MCC: variants seen among roughly 807,000 people sequenced by gnomAD.
The protein encoded by MCC is MCC regulator of Wnt signaling pathway.
MCC carries 90 observed loss-of-function variants against 116.2 expected under a neutral mutation model. The ratio of observed to expected loss-of-function variants is 0.77; its 90% CI spans 0.65 to 0.92. The LOEUF (loss-of-function observed/expected upper bound fraction) is 0.92, where lower values mean the gene tolerates loss of function less well. Among genes scored for constraint, MCC ranks in the 40% least tolerant of loss-of-function variants. MCC has a pLI of 0.00. For synonymous variants in MCC, 578 were observed against 510.5 expected, an observed-to-expected ratio of 1.13 and a Z score of -1.78; for missense variants, 1,516 against 1,312.2, an observed-to-expected ratio of 1.16 and a Z score of -2.40.
chr5:113,150,738 C>G (rs1759807401), intron 4 of MCC, among the ~76,000 whole-genome samples: 1 of 151,988 alleles, frequency 6.6e-6, no homozygotes, highest in African/African-American at 2.4e-5. Flanking sequence ...CTTGAAAAAT[C>G]AAAGCAAAGG....
chr5:113,053,863 C>T lies in MCC; in HGVS notation c.2310G>A (p.Arg770=), dbSNP rs1313857829. 1 of 1,613,958 alleles carries T rather than the reference C, an allele frequency of 6.2e-7. No individual in the cohort carries two copies. The highest frequency in any genetic ancestry group is 8.5e-7 in the Non-Finnish European group (1 of 1,180,020). ...KDYIQQLKND[R]AAVKLTMLEL... ...CCAGCATGGTCAGCTTGACCGCAGCCCTGTCATTCTTGAGCTGCTGGATAT... is the reference window on the plus strand; with the variant it reads ...CCAGCATGGTCAGCTTGACCGCAGCTCTGTCATTCTTGAGCTGCTGGATAT... The change falls in exon 15 of 19, where the codon AGG becomes AGA. Residue 770 remains arginine, a synonymous_variant. Coordinates refer to ENST00000408903, the MANE Select transcript of MCC (RefSeq NM_001085377.2).
intron 15 of MCC, among the ~76,000 whole-genome samples, 186 bp downstream of exon 15, chr5:113,053,539 T>C (rs1057079204): frequency 6.6e-6 from 1 of 152,120 alleles, no homozygotes; most frequent in Non-Finnish European, 1.5e-5. Flanking sequence ...TCAACTCCCC[T>C]GTCCAGAAAC....
chr5:113,131,268 C>T (rs188960573), intron 5 of MCC, among the ~76,000 whole-genome samples: 6 of 152,276 alleles, frequency 3.9e-5, no homozygotes, highest in African/African-American at 1.4e-4. Context: ...TTTCTTTTCA[C>T]ATCCAGTGAG....
chr5:113,449,430 C>T (rs1012686216), intron 1 of MCC, among the ~76,000 whole-genome samples: 1 of 152,122 alleles, frequency 6.6e-6, no homozygotes, highest in Non-Finnish European at 1.5e-5. Context: ...AACACTATAA[C>T]TGGGAGCTGA....
intron 1 of MCC, among the ~76,000 whole-genome samples, chr5:113,426,084 G>A (rs1465777098): frequency 1.3e-5 from 2 of 152,132 alleles, no homozygotes; most frequent in Non-Finnish European, 2.9e-5. Context: ...TTCCAAGGCA[G>A]GCAGCCAGGC....
intron 1 of MCC, among the ~76,000 whole-genome samples, chr5:113,464,993 A>G (rs962258488): frequency 5.9e-5 from 9 of 152,296 alleles, no homozygotes; most frequent in African/African-American, 1.9e-4. Context: ...AGAGATATCA[A>G]TTCTCTTTAC....
intron 2 of MCC, among the ~76,000 whole-genome samples, chr5:113,363,109 C>G (rs1768588237): frequency 6.6e-6 from 1 of 152,078 alleles, no homozygotes; most frequent in Non-Finnish European, 1.5e-5. Context: ...AAAACCCTAT[C>G]TCTACTAAAA....
In MCC at chr5:113,263,341, G is replaced by C. The variant is rs536680877; in HGVS notation, c.627+77178C>G. Among the ~76,000 whole-genome samples, 202 of 152,304 alleles carry C rather than the reference G, an allele frequency of 1.3e-3. 4 individuals carry two copies. The Middle Eastern group carries it at 0.017, about 13-fold the overall frequency. On this transcript the variant is annotated intron_variant, in intron 3 of 18. Coordinates refer to ENST00000408903, the MANE Select transcript of MCC (RefSeq NM_001085377.2). The stretch of plus-strand genomic sequence containing the variant: ...GGAGGAAATGGAATCTACAAGAGGA[G>C]ACATCTACTCAGAACATTAATTCTG...
Position 113,170,438 on chromosome 5 carries a change from G to A in MCC, c.628-19016C>T, listed in dbSNP as rs1037594195. ...ACCACAACTGCATGAATGGTGAGAA[G>A]CTTGGATGCTTTTTATTTCTGTGGC... On this transcript the variant is annotated intron_variant, in intron 3 of 18. Coordinates refer to ENST00000408903, the MANE Select transcript of MCC (RefSeq NM_001085377.2). Among the ~76,000 whole-genome samples, 14 of 152,260 alleles carry A rather than the reference G, an allele frequency of 9.2e-5. No homozygotes were observed. In the East Asian group the frequency reaches 9.7e-4, roughly 11 times the overall value.
intron 3 of MCC, among the ~76,000 whole-genome samples, chr5:113,170,306 T>C (rs1348539655): frequency 6.6e-6 from 1 of 152,226 alleles, no homozygotes; most frequent in East Asian, 1.9e-4. Flanking sequence ...TTCAATGGAC[T>C]TTACTTCTAA....
At chr5:113,451,742 G>A (rs1288023777) in intron 1 of MCC, among the ~76,000 whole-genome samples, 1 of 151,888 alleles carries the variant, frequency 6.6e-6, no homozygotes, top group Non-Finnish European at 1.5e-5. Flanking sequence ...AGGAAGGAGG[G>A]AAGGAAGGAA....
At chr5:113,103,969 C>T (rs545892587) in intron 7 of MCC, among the ~76,000 whole-genome samples, 2 of 152,164 alleles carry the variant, frequency 1.3e-5, no homozygotes, top group South Asian at 4.1e-4. Flanking sequence ...TACCGCAAAG[C>T]CAGTGAACCT....
intron 3 of MCC, among the ~76,000 whole-genome samples, chr5:113,290,037 A>G (rs1334919109): frequency 6.6e-6 from 1 of 152,238 alleles, no homozygotes; most frequent in Non-Finnish European, 1.5e-5. Context: ...AATTAATTTG[A>G]TGATGAACAG....
intron 3 of MCC, among the ~76,000 whole-genome samples, chr5:113,162,312 C>T (rs548003629): frequency 1.3e-5 from 2 of 152,184 alleles, no homozygotes. Context: ...ACAAAATACC[C>T]TGGACTTGAG....
intron 11 of MCC, among the ~76,000 whole-genome samples, chr5:113,079,663 T>C (rs1159359975): frequency 6.6e-6 from 1 of 152,196 alleles, no homozygotes; most frequent in Non-Finnish European, 1.5e-5. Flanking sequence ...TAATTCAAGA[T>C]GGATTAAAGA....
At position 113,476,215 on chromosome 5, in the gene MCC, C is replaced by T. The variant is rs187600053; in HGVS notation, c.170+12030G>A. Reference sequence around the variant, plus strand: ...ACTAATCCTAAAATTCACATGAATACTCAAGGGACCAACCACAGACTAAAA... The same window carrying T: ...ACTAATCCTAAAATTCACATGAATATTCAAGGGACCAACCACAGACTAAAA... On this transcript the variant is annotated intron_variant, in intron 1 of 18. Transcript: ENST00000408903. 1.6e-4 allele frequency among the ~76,000 whole-genome samples: 25 copies of T among 152,274 alleles called. No homozygotes were observed. In the East Asian group the frequency reaches 3.9e-3, roughly 24 times the overall value.
At chr5:113,300,030 T>C (rs1244933426) in intron 3 of MCC, among the ~76,000 whole-genome samples, 2 of 152,176 alleles carry the variant, frequency 1.3e-5, no homozygotes, top group Non-Finnish European at 2.9e-5. Flanking sequence ...ACCAACACCA[T>C]GCTGTGGGCA....
chr5:113,085,113 C>A, intron 9 of MCC, 51 bp downstream of exon 9: 1 of 1,612,376 alleles, frequency 6.2e-7, no homozygotes, highest in Middle Eastern at 1.9e-4. Context: ...CCTGGTGCTT[C>A]CAGATAACAG....
intron 1 of MCC, among the ~76,000 whole-genome samples, chr5:113,457,991 C>G (rs1771624899): frequency 6.6e-6 from 1 of 152,064 alleles, no homozygotes; most frequent in African/African-American, 2.4e-5. Context: ...CTAGTGGGGA[C>G]TTGGAGAACC....
Sources: allele counts gnomAD v4.1 joint callset (sites outside exome capture counted in the v4.1 genomes callset), GRCh38; gene constraint gnomAD v4.1.1; transcripts MANE v1.5; gene names NCBI Gene and HGNC (gene_info 2026-07-23, HGNC 2026-07-21).